The following ITPR2 variants were observed in gnomAD, a reference collection of about 807,000 sequenced individuals.
The protein encoded by ITPR2 is inositol 1,4,5-trisphosphate-gated calcium channel ITPR2.
A neutral mutation model predicts 317.1 loss-of-function variants in ITPR2; 207 were observed. The observed-to-expected ratio is 0.65, with a 90% CI of 0.58 to 0.73. The LOEUF is 0.73. Among genes scored for constraint, ITPR2 ranks in the 30% least tolerant of loss-of-function variants. The pLI, the probability that ITPR2 is intolerant of heterozygous loss-of-function variation, is 0.00. For missense variants in ITPR2, 2,613 were observed against 3,284.0 expected, an observed-to-expected ratio of 0.80 and a Z score of 4.99; for synonymous variants, 1,156 against 1,149.1, an observed-to-expected ratio of 1.01 and a Z score of -0.12.
chr12:26,811,829 G>T (rs1950756044), intron 1 of ITPR2, among the ~76,000 whole-genome samples: 1 of 146,918 alleles, frequency 6.8e-6, no homozygotes. Flanking sequence ...ACTCCAGCCT[G>T]GGCGACACAG....
intron 15 of ITPR2, among the ~76,000 whole-genome samples, chr12:26,660,667 A>AG (rs1947476428): frequency 6.6e-6 from 1 of 152,216 alleles, no homozygotes. Flanking sequence ...GAGCCAGTTA[A>AG]GTAAAGTAAA....
intron 45 of ITPR2, among the ~76,000 whole-genome samples, chr12:26,457,610 G>A (rs554722003): frequency 6.6e-6 from 1 of 152,284 alleles, no homozygotes; most frequent in Non-Finnish European, 1.5e-5. Flanking sequence ...GAAAGATGGT[G>A]CTGGTTTGGA....
At chr12:26,607,511 A>C (rs1946162328) in intron 26 of ITPR2, among the ~76,000 whole-genome samples, 1 of 151,924 alleles carries the variant, frequency 6.6e-6, no homozygotes, top group African/African-American at 2.4e-5. Flanking sequence ...ATATCACCCT[A>C]GATCAACTTC....
At position 26,495,157 on chromosome 12, in the gene ITPR2, A is replaced by C. The variant is rs1267419301; in HGVS notation, c.5177T>G (p.Val1726Gly). 6.5e-7 allele frequency: 1 copy of C among 1,541,324 alleles called. No homozygotes were observed. Among genetic ancestry groups the C allele is most frequent in the Admixed American group, 1.7e-5 (1 of 59,884 alleles). ...AAACAAATGACAGGACTTACCTCCCACCTGTGCAGTTTTGGAGTAGGCTCC... is the reference window on the plus strand; with the variant it reads ...AAACAAATGACAGGACTTACCTCCCCCCTGTGCAGTTTTGGAGTAGGCTCC... ...LSGAYSKTAQVGGSFSGQDSD... is the reference protein window; with the variant it reads ...LSGAYSKTAQGGGSFSGQDSD... The change falls in exon 38 of 57, where the codon GTG (valine) becomes GGG (glycine). Residue 1726 changes from valine to glycine, a missense_variant. Coordinates refer to ENST00000381340, the MANE Select transcript of ITPR2 (RefSeq NM_002223.4).
intron 2 of ITPR2, among the ~76,000 whole-genome samples, chr12:26,785,262 C>T (rs1421014197): frequency 8.5e-5 from 3 of 35,386 alleles, no homozygotes; most frequent in Non-Finnish European, 7.5e-5. Flanking sequence ...AAGTGAGGAG[C>T]CCCTCTGCCC....
intron 1 of ITPR2, among the ~76,000 whole-genome samples, chr12:26,802,587 CTATATATAGATATAGATATAGATATAT>C (rs1950576010): frequency 3.2e-4 from 3 of 9,408 alleles, no homozygotes; most frequent in Non-Finnish European, 7.4e-4. Flanking sequence ...ATAGATATAT[CTATATATAGATATAGATATAGATATAT>C]ATAGATATAG....
At chr12:26,607,217 A>G (rs1278961877) in intron 26 of ITPR2, among the ~76,000 whole-genome samples, 2 of 152,176 alleles carry the variant, frequency 1.3e-5, no homozygotes. Context: ...CCATTCTTTA[A>G]ACCAGTCAGT....
intron 21 of ITPR2, among the ~76,000 whole-genome samples, chr12:26,653,538 C>G (rs1947306481): frequency 6.6e-6 from 1 of 152,184 alleles, no homozygotes; most frequent in Non-Finnish European, 1.5e-5. Context: ...CCGTGCCTGG[C>G]CTTCCTTGCA....
chr12:26,755,079 G>T (rs190957113), intron 2 of ITPR2, among the ~76,000 whole-genome samples: 3 of 152,112 alleles, frequency 2.0e-5, no homozygotes, highest in Non-Finnish European at 4.4e-5. Flanking sequence ...TTTGGTATAT[G>T]TTCCAAAATT....
intron 2 of ITPR2, among the ~76,000 whole-genome samples, chr12:26,777,758 C>A (rs1008615731): frequency 3.3e-5 from 5 of 152,172 alleles, no homozygotes; most frequent in Non-Finnish European, 2.9e-5. Context: ...AGACCTAGAA[C>A]CACTTGAATG....
intron 2 of ITPR2, among the ~76,000 whole-genome samples, chr12:26,741,816 T>C (rs1949233674): frequency 6.6e-6 from 1 of 152,212 alleles, no homozygotes. Flanking sequence ...TGTACCATTA[T>C]AAATCATCTT....
At position 26,503,973 on chromosome 12, in the gene ITPR2, A is replaced by G. The variant is rs573431927; in HGVS notation, c.5074-8713T>C. ...TTTTTCAAGAGAAGGCAAATGAAAA[A>G]CAGCATTCATTTTGTGAAAGACTAC... On this transcript the variant is annotated intron_variant, in intron 37 of 56. Coordinates refer to ENST00000381340, the MANE Select transcript of ITPR2 (RefSeq NM_002223.4). Among the ~76,000 whole-genome samples, 13 of 152,312 alleles carry G rather than the reference A, an allele frequency of 8.5e-5. No homozygotes were observed. The South Asian group carries it at 1.2e-3, about 15-fold the overall frequency.
rs201868488 is a variant in ITPR2 at position 26,419,170 on chromosome 12, C to T, written c.6989G>A (p.Arg2330His). The T allele has an allele frequency of 1.8e-5, 29 of 1,613,464 alleles. No homozygotes were observed. The highest frequency in any genetic ancestry group is 4.4e-5 in the South Asian group (4 of 91,062). The change falls in exon 50 of 57, where the codon CGT becomes CAT. Residue 2330 changes from arginine (R) to histidine (H), a missense_variant. Coordinates refer to ENST00000381340, the MANE Select transcript of ITPR2 (RefSeq NM_002223.4). ...TCGGTACCCACGGGTGAACGTGCCA[C>T]GATTTCCAACAAAACTCACCAGAAA... The part of the protein sequence containing the change: ...IVFLVSFVGN[R>H]GTFTRGYRAV...
intron 39 of ITPR2, among the ~76,000 whole-genome samples, chr12:26,490,161 T>G (rs1296517496): frequency 1.3e-5 from 2 of 152,222 alleles, no homozygotes; most frequent in Admixed American, 1.3e-4. Context: ...AAGAATAGGA[T>G]ATGATCCCCT....
intron 49 of ITPR2, among the ~76,000 whole-genome samples, chr12:26,424,624 C>T (rs1249687960): frequency 8.6e-6 from 1 of 116,222 alleles, no homozygotes; most frequent in East Asian, 2.7e-4. Context: ...GAGTCTCGCT[C>T]TGTCACCCAG....
At chr12:26,414,428 C>G (rs752007837) in intron 51 of ITPR2, among the ~76,000 whole-genome samples, 1 of 152,092 alleles carries the variant, frequency 6.6e-6, no homozygotes, top group African/African-American at 2.4e-5. Flanking sequence ...TTACATTTAA[C>G]GGTTTGAGGA....
chr12:26,830,150 C>T (rs1157648317), intron 1 of ITPR2, among the ~76,000 whole-genome samples: 1 of 152,210 alleles, frequency 6.6e-6, no homozygotes, highest in Non-Finnish European at 1.5e-5. Context: ...GTGATCTGCC[C>T]GCCTTGGCCT....
intron 5 of ITPR2, 127 bp downstream of exon 5, chr12:26,722,270 C>T (rs757996743): frequency 1.1e-5 from 8 of 731,538 alleles, no homozygotes; most frequent in South Asian, 2.3e-5. Flanking sequence ...CTAGTAGATA[C>T]TAACATAAAA....
intron 2 of ITPR2, among the ~76,000 whole-genome samples, chr12:26,762,291 CAT>C (rs905006077): frequency 1.3e-5 from 2 of 152,178 alleles, no homozygotes; most frequent in Non-Finnish European, 2.9e-5. Context: ...CACTGAAACA[CAT>C]TAAATCATTC....
Sources: allele counts gnomAD v4.1 joint callset (sites outside exome capture counted in the v4.1 genomes callset), GRCh38; gene constraint gnomAD v4.1.1; transcripts MANE v1.5; gene names NCBI Gene and HGNC (gene_info 2026-07-23, HGNC 2026-07-21).